PTPRB: variants seen among roughly 807,000 people sequenced by gnomAD.
PTPRB encodes protein tyrosine phosphatase receptor type B.
In PTPRB, 97 loss-of-function variants were observed where a neutral mutation model predicts 238.1. The ratio of observed to expected loss-of-function variants is 0.41; its 90% CI spans 0.35 to 0.48. The LOEUF is 0.48. PTPRB is among the 20% of genes least tolerant of loss of function. The pLI, the probability that PTPRB is intolerant of heterozygous loss-of-function variation, is 0.30. For synonymous variants in PTPRB, 970 were observed against 995.4 expected (o/e 0.97, Z 0.48); for missense variants, 2,292 against 2,681.9 (o/e 0.85, Z 3.21).
At chr12:70,531,208 T>G (rs1873184739) in intron 32 of PTPRB, among the ~76,000 whole-genome samples, 1 of 152,190 alleles carries the variant, frequency 6.6e-6, no homozygotes, top group African/African-American at 2.4e-5. Context: ...GGAAGCTCTC[T>G]TTTTATGGAG....
Position 70,546,782 on chromosome 12 carries a change from AGAGGCTGGAGGAGAAGCAGTCCCAGG to A in PTPRB, c.5388-2145_5388-2120del, listed in dbSNP as rs549423492. Among the ~76,000 whole-genome samples, 1,230 of 152,164 alleles carry A rather than the reference AGAGGCTGGAGGAGAAGCAGTCCCAGG, an allele frequency of 8.1e-3. 12 individuals carry two copies. The highest frequency in any genetic ancestry group is 0.025 in the African/African-American group (1,042 of 41,506). On this transcript the variant is annotated intron_variant, in intron 21 of 33. Transcript: ENST00000334414. ...TGGAAGATGGGAGTGGGATTCTAGT[AGAGGCTGGAGGAGAAGCAGTCCCAGG>A]GAGGCTGGAGGAGAAGCAGTCCCAG...
chr12:70,626,296 C>CATCTATCTATCCATCT (rs1885178196), intron 2 of PTPRB, among the ~76,000 whole-genome samples: 1 of 91,912 alleles, frequency 1.1e-5, no homozygotes, highest in African/African-American at 4.7e-5. Flanking sequence ...TCTATCCATC[C>CATCTATCTATCCATCT]ATCTATCTAT....
chr12:70,623,238 G>C (rs1329712742), intron 2 of PTPRB, among the ~76,000 whole-genome samples: 10 of 152,102 alleles, frequency 6.6e-5, no homozygotes, highest in Admixed American at 3.3e-4. Flanking sequence ...TGAGACTGTT[G>C]TATTTTCTAA....
chr12:70,616,371 C>T (rs1364418708), intron 3 of PTPRB, among the ~76,000 whole-genome samples: 3 of 152,304 alleles, frequency 2.0e-5, no homozygotes, highest in African/African-American at 7.2e-5. Flanking sequence ...TATCTGATGT[C>T]CTTGTGATTA....
At chr12:70,620,542 T>G (rs1382944503) in intron 3 of PTPRB, among the ~76,000 whole-genome samples, 1 of 152,224 alleles carries the variant, frequency 6.6e-6, no homozygotes. Context: ...TTACATATAT[T>G]TAAGCTATGA....
chr12:70,569,539 C>G, intron 14 of PTPRB, 136 bp downstream of exon 14: 1 of 1,000,412 alleles, frequency 1.0e-6, no homozygotes, highest in Non-Finnish European at 1.5e-6. Context: ...ATGAGTAAGG[C>G]TCTTGAAACC....
chr12:70,586,274 AG>A (rs1881904287), intron 9 of PTPRB, among the ~76,000 whole-genome samples: 3 of 152,150 alleles, frequency 2.0e-5, no homozygotes, highest in Admixed American at 2.0e-4. Flanking sequence ...ACAGTGTAAA[AG>A]TGTTCGTATC....
At chr12:70,551,549 G>A (rs1565930714) in intron 21 of PTPRB, among the ~76,000 whole-genome samples, 1 of 151,502 alleles carries the variant, frequency 6.6e-6, no homozygotes, top group African/African-American at 2.4e-5. Context: ...TGGCAGGAGA[G>A]TTTTTTTTTC....
chr12:70,601,790 C>CTTTTTTTTTT (rs200227553), intron 4 of PTPRB, among the ~76,000 whole-genome samples: 1 of 127,534 alleles, frequency 7.8e-6, no homozygotes, highest in African/African-American at 2.9e-5. Flanking sequence ...TTTCTTTTTT[C>CTTTTTTTTTT]TTTTTTTTTT....
rs145072829 is a variant in PTPRB at position 70,551,251 on chromosome 12, T to C, written c.5387+1526A>G. On this transcript the variant is annotated intron_variant, in intron 21 of 33. Coordinates refer to ENST00000334414, the MANE Select transcript of PTPRB (RefSeq NM_001109754.4). ...ATCCTGGTTTTCTGATCTTTCATGT[T>C]TCTCCCTTGTTCTTCTGAAATCTTG... 3.0e-4 allele frequency among the ~76,000 whole-genome samples: 46 copies of C among 152,354 alleles called. 1 individual carries two copies. The East Asian group carries it at 6.8e-3, about 22-fold the overall frequency.
intron 4 of PTPRB, among the ~76,000 whole-genome samples, chr12:70,603,486 C>T (rs537533464): frequency 5.9e-5 from 9 of 152,244 alleles, no homozygotes; most frequent in Non-Finnish European, 8.8e-5. Context: ...CTAATGCCAA[C>T]TTAAAAATAA....
intron 33 of PTPRB, among the ~76,000 whole-genome samples, chr12:70,522,863 C>CTTTTTTTTTTTTTTTTTTTTTT (rs35913444): frequency 1.7e-5 from 2 of 118,244 alleles, no homozygotes; most frequent in African/African-American, 3.3e-5. Context: ...TTTGTTTTTT[C>CTTTTTTTTTTTTTTTTTTTTTT]TTTTTTTTTT....
chr12:70,610,081 T>G (rs1462216844), intron 3 of PTPRB, among the ~76,000 whole-genome samples: 1 of 152,056 alleles, frequency 6.6e-6, no homozygotes, highest in Non-Finnish European at 1.5e-5. Flanking sequence ...CCGCGCTGCC[T>G]CGCCCCAGCC....
In PTPRB at chr12:70,560,581, T is replaced by C; in HGVS notation, c.4432+90A>G. The C allele has an allele frequency of 6.5e-7, 1 of 1,535,000 alleles. No individual in the cohort carries two copies. ...TAGCTCAGGGTATATCATTATTGGCTTTATCTCTTGTCATTAAAATCAGAA... is the reference window on the plus strand; with the variant it reads ...TAGCTCAGGGTATATCATTATTGGCCTTATCTCTTGTCATTAAAATCAGAA... On this transcript the variant is annotated intron_variant, in intron 17 of 33. Transcript: ENST00000334414. This position sits in a 1 kb window ranked among gnomAD's most constrained non-coding sequence, Gnocchi z 4.2.
chr12:70,536,661 A>C (rs1215650184), intron 28 of PTPRB, among the ~76,000 whole-genome samples: 1 of 152,222 alleles, frequency 6.6e-6, no homozygotes, highest in Non-Finnish European at 1.5e-5. Context: ...ACCACAGTCC[A>C]AGAGCGGGAT....
At position 70,521,503 on chromosome 12, in the gene PTPRB, A is replaced by G; in HGVS notation, c.6634T>C (p.Tyr2212His). Reference sequence around the variant, plus strand: ...CAGGTACATTCTCAATGCCTTGAATAGACTGGATCTGAAAGGAAGAACACT... The same window carrying G: ...CAGGTACATTCTCAATGCCTTGAATGGACTGGATCTGAAAGGAAGAACACT... ...VNPEYHRDPV[Y>H]SRH is the part of the protein sequence containing the mutation. Residue 2212 changes from tyrosine (Y) to histidine (H), a missense_variant, in exon 34 of 34, where the codon TAT (tyrosine) becomes CAT (histidine). Physicochemically the swap from Tyr to His is moderately conservative, Grantham distance 83. This residue lies in a region of PTPRB where 397 missense variants were observed against 502.0 expected (regional missense o/e 0.79). Transcript: ENST00000334414. 2 of 1,547,088 alleles carry G rather than the reference A, an allele frequency of 1.3e-6. No homozygotes were observed. Among genetic ancestry groups the G allele is most frequent in the Non-Finnish European group, 1.7e-6 (2 of 1,146,148 alleles).
At chr12:70,557,570 C>T (rs1877882112) in intron 18 of PTPRB, among the ~76,000 whole-genome samples, 1 of 152,326 alleles carries the variant, frequency 6.6e-6, no homozygotes, top group African/African-American at 2.4e-5. Flanking sequence ...ACTTATAAGC[C>T]TAGCCTCTAA....
chr12:70,573,413 TTG>T (rs1174417012), intron 11 of PTPRB, among the ~76,000 whole-genome samples: 5 of 152,150 alleles, frequency 3.3e-5, no homozygotes, highest in Admixed American at 2.0e-4. Flanking sequence ...GGTTGGTTTC[TTG>T]TGTACATGTT....
intron 3 of PTPRB, among the ~76,000 whole-genome samples, chr12:70,613,090 G>A (rs995887060): frequency 6.6e-6 from 1 of 152,192 alleles, no homozygotes; most frequent in African/African-American, 2.4e-5. Flanking sequence ...GGGTCTGGGA[G>A]CCACTGTTTG....
Sources: allele counts gnomAD v4.1 joint callset (sites outside exome capture counted in the v4.1 genomes callset), GRCh38; gene constraint gnomAD v4.1.1; regional missense constraint gnomAD v4.1.1; non-coding constraint Gnocchi (gnomAD v3.1); transcripts MANE v1.5; gene names NCBI Gene and HGNC (gene_info 2026-07-23, HGNC 2026-07-21).